CYP4X1: variants seen among roughly 807,000 people sequenced by gnomAD.
CYP4X1 encodes the protein cytochrome P450 4X1.
CYP4X1 carries 44 observed loss-of-function variants against 57.9 expected under a neutral mutation model. The ratio of observed to expected loss-of-function variants is 0.76; its 90% CI spans 0.60 to 0.98. CYP4X1 has a LOEUF of 0.98. Ranked by LOEUF, CYP4X1 falls within the 50% of genes least tolerant of loss-of-function variation. CYP4X1 has a pLI of 0.00. For synonymous variants in CYP4X1, 227 were observed against 228.6 expected (o/e 0.99, Z 0.06); for missense variants, 532 against 623.9 (o/e 0.85, Z 1.57).
chr1:47,009,582 G>A, the CYP4X1 span, among the ~76,000 whole-genome samples: 2 of 152,156 alleles, frequency 1.3e-5, no homozygotes, highest in Non-Finnish European at 2.9e-5. Flanking sequence ...GAAGGAAATA[G>A]AGACACAAAA....
intron 4 of CYP4X1, among the ~76,000 whole-genome samples, chr1:47,034,593 C>T (rs1204393281): frequency 6.6e-6 from 1 of 152,112 alleles, no homozygotes; most frequent in South Asian, 2.1e-4. Flanking sequence ...GCCAAACTCA[C>T]AGAAGCAGTT....
the CYP4X1 span, among the ~76,000 whole-genome samples, chr1:47,017,192 G>A: frequency 3.9e-5 from 6 of 152,310 alleles, no homozygotes; most frequent in South Asian, 1.2e-3. Flanking sequence ...TTGATATACT[G>A]ATTTCCTTTC....
At chr1:46,977,637 T>C in the CYP4X1 span, among the ~76,000 whole-genome samples, 1 of 151,830 alleles carries the variant, frequency 6.6e-6, no homozygotes, top group African/African-American at 2.4e-5. Flanking sequence ...AACAAAAAGA[T>C]ACTCCACGAC....
chr1:46,971,087 C>T, the CYP4X1 span, among the ~76,000 whole-genome samples: 2 of 152,174 alleles, frequency 1.3e-5, no homozygotes, highest in Admixed American at 1.3e-4. Context: ...CTCCCACTCT[C>T]CACCCTCAAG....
At chr1:47,054,599 C>T (rs1200949536), downstream of CYP4X1, among the ~76,000 whole-genome samples, 1 of 152,088 alleles carries the variant, frequency 6.6e-6, no homozygotes, top group Non-Finnish European at 1.5e-5. Flanking sequence ...TTTCATTGAG[C>T]AGCGGTTTGT....
chr1:47,023,973 C>T lies in CYP4X1; in HGVS notation c.156C>T (p.His52=), dbSNP rs1644031746. ...DLRPFPAPPT[H]WFLGHQKFIQ... is the part of the protein sequence containing the mutation. Reference sequence around the variant, plus strand: ...GCCCCTTCCCAGCGCCCCCCACCCACTGGTTCCTTGGGCACCAGAAGGTAG... The same window carrying T: ...GCCCCTTCCCAGCGCCCCCCACCCATTGGTTCCTTGGGCACCAGAAGGTAG... The change falls in exon 1 of 12, where the codon CAC becomes CAT. Residue 52 remains histidine (H), a synonymous_variant. Coordinates refer to ENST00000371901, the MANE Select transcript of CYP4X1 (RefSeq NM_178033.2). The T allele has an allele frequency of 1.9e-6, 3 of 1,612,766 alleles. No individual in the cohort carries two copies. Among genetic ancestry groups the T allele is most frequent in the Non-Finnish European group, 2.5e-6 (3 of 1,179,828 alleles).
chr1:46,961,431 GC>G, the CYP4X1 span, among the ~76,000 whole-genome samples: 173 of 152,288 alleles, frequency 1.1e-3, no homozygotes, highest in African/African-American at 3.7e-3. Context: ...GGTATCCTGG[GC>G]CCACCAGTTT....
upstream of CYP4X1, among the ~76,000 whole-genome samples, chr1:47,021,714 A>G (rs1643999377): frequency 6.6e-6 from 1 of 152,200 alleles, no homozygotes; most frequent in Non-Finnish European, 1.5e-5. Flanking sequence ...ACGGTGCTGG[A>G]CAGGGGCAAC....
At chr1:47,049,897 T>C in intron 11 of CYP4X1, 103 bp from the exon 12 acceptor site, 1 of 1,206,018 alleles carries the variant, frequency 8.3e-7, no homozygotes, top group Non-Finnish European at 1.2e-6. Context: ...GGTGGAAAAA[T>C]ATCACTTTAC....
At chr1:46,994,155 C>T in the CYP4X1 span, among the ~76,000 whole-genome samples, 1 of 152,132 alleles carries the variant, frequency 6.6e-6, no homozygotes, top group East Asian at 1.9e-4. Context: ...ATATGGCTAG[C>T]CAGTTTTCCC....
chr1:46,990,434 G>A, the CYP4X1 span, among the ~76,000 whole-genome samples: 12 of 152,218 alleles, frequency 7.9e-5, no homozygotes, highest in East Asian at 2.3e-3. Context: ...AAATAGGAAC[G>A]CTTTTACATT....
the CYP4X1 span, among the ~76,000 whole-genome samples, chr1:46,985,201 G>T: frequency 1.3e-5 from 2 of 152,160 alleles, no homozygotes; most frequent in Admixed American, 6.5e-5. Flanking sequence ...AAAGGCAGCA[G>T]CCTGTAGTCC....
intron 7 of CYP4X1, 129 bp downstream of exon 7, chr1:47,038,895 T>C (rs1644214864): frequency 1.6e-6 from 1 of 632,786 alleles, no homozygotes; most frequent in Admixed American, 3.5e-5. Flanking sequence ...TTTGAATTGA[T>C]GAGCAGCTTC....
the CYP4X1 span, among the ~76,000 whole-genome samples, chr1:47,001,342 T>C: frequency 6.6e-6 from 1 of 152,228 alleles, no homozygotes; most frequent in Admixed American, 6.5e-5. Context: ...ATCACATGGA[T>C]GGATAAAGAG....
the CYP4X1 span, among the ~76,000 whole-genome samples, chr1:46,974,901 C>A: frequency 6.6e-6 from 1 of 151,844 alleles, no homozygotes; most frequent in East Asian, 1.9e-4. Flanking sequence ...ATAAAAATTG[C>A]CACTCTGTGC....
chr1:46,962,039 T>A, the CYP4X1 span, among the ~76,000 whole-genome samples: 7 of 152,198 alleles, frequency 4.6e-5, no homozygotes, highest in Non-Finnish European at 8.8e-5. Context: ...AATCCCTGAT[T>A]AAGACACATT....
upstream of CYP4X1, among the ~76,000 whole-genome samples, chr1:47,022,435 C>G (rs1644008696): frequency 6.6e-6 from 1 of 151,946 alleles, no homozygotes; most frequent in Non-Finnish European, 1.5e-5. Context: ...GGATTACAGG[C>G]GCGCGCCACC....
At chr1:46,979,674 A>G in the CYP4X1 span, among the ~76,000 whole-genome samples, 1 of 152,228 alleles carries the variant, frequency 6.6e-6, no homozygotes, top group Admixed American at 6.5e-5. Context: ...GACACAATAA[A>G]AAAAGAGAAT....
In CYP4X1 at chr1:47,046,569, T is replaced by C. The variant is rs994304525; in HGVS notation, c.1176T>C (p.Leu392=). ...PSISRDLSKP[L]TFPDGCTLPA... is the part of the protein sequence containing the mutation. The stretch of plus-strand genomic sequence containing the variant: ...TTTCCAGAGATCTCAGCAAGCCACT[T>C]ACCTTCCCAGATGGATGCACATTGC... The change falls in exon 9 of 12, where the codon CTT becomes CTC. Residue 392 remains leucine, a synonymous_variant. Coordinates refer to ENST00000371901, the MANE Select transcript of CYP4X1 (RefSeq NM_178033.2). 4.3e-6 allele frequency: 7 copies of C among 1,614,060 alleles called. No homozygotes were observed. Among genetic ancestry groups the C allele is most frequent in the Non-Finnish European group, 5.9e-6 (7 of 1,180,042 alleles).
Sources: gnomAD v4.1 joint callset for allele counts (sites outside exome capture counted in the v4.1 genomes callset) on GRCh38, gnomAD v4.1.1 for gene constraint, MANE v1.5 for transcripts, NCBI Gene and HGNC (gene_info 2026-07-23, HGNC 2026-07-21) for gene names.